Variants in FAM53C observed in about 807,000 individuals in gnomAD.
FAM53C encodes protein FAM53C.
FAM53C carries 10 observed loss-of-function variants against 34.7 expected under a neutral mutation model. The ratio of observed to expected loss-of-function variants is 0.29; its 90% confidence interval spans 0.18 to 0.49. The LOEUF (loss-of-function observed/expected upper bound fraction) is 0.49, where lower values mean the gene tolerates loss of function less well. Among genes scored for constraint, FAM53C ranks in the 20% least tolerant of loss-of-function variants. The probability of loss-of-function intolerance (pLI) is 0.99; values close to 1 mark genes in which losing one functional copy is unlikely to be tolerated. For synonymous variants in FAM53C, 203 were observed against 203.6 expected (o/e 1.00, Z 0.03); for missense variants, 442 against 515.3 (o/e 0.86, Z 1.38).
upstream of FAM53C, chr5:138,337,836 G>T (rs1760819706): frequency 3.6e-6 from 2 of 559,226 alleles, no homozygotes; most frequent in Non-Finnish European, 2.8e-6. Context: ...GTCGTGGAGG[G>T]CGGGGCAGCA....
Position 138,344,986 on chromosome 5 carries a change from C to T in FAM53C, c.298C>T (p.Pro100Ser), listed in dbSNP as rs901436939. 2 of 1,613,788 alleles carry T rather than the reference C, an allele frequency of 1.2e-6. No individual in the cohort carries two copies. The highest frequency in any genetic ancestry group is 1.7e-6 in the Non-Finnish European group (2 of 1,179,830). ...QPFSQVLRPE[P>S]PDPEKLPVPP... ...CTTCTCCCAAGTCCTAAGACCTGAG[C>T]CCCCAGATCCAGAGAAGCTTCCTGT... is the stretch of plus-strand genomic sequence containing the variant. Residue 100 changes from proline to serine, a missense_variant, in exon 4 of 5, where the codon CCC becomes TCC. Coordinates refer to ENST00000239906, the MANE Select transcript of FAM53C (RefSeq NM_016605.3).
chr5:138,344,774 T>TA (rs1761120557), intron 3 of FAM53C, 51 bp from the exon 4 acceptor site: 2 of 1,460,834 alleles, frequency 1.4e-6, no homozygotes, highest in South Asian at 1.5e-5. Flanking sequence ...GGTAAGTTCT[T>TA]AAAAAATGTA....
rs770444772 is a variant in FAM53C, at chr5:138,346,966, G to C, written c.*7G>C. 3 of 1,613,926 alleles carry C rather than the reference G, an allele frequency of 1.9e-6. No individual in the cohort carries two copies. Among genetic ancestry groups the C allele is most frequent in the Non-Finnish European group, 2.5e-6 (3 of 1,180,044 alleles). On this transcript the variant is annotated 3_prime_UTR_variant, in exon 5 of 5. Transcript: ENST00000239906. ...TTTGATTGAGGAAAACTAAAACTGA[G>C]AGGCTACTTCCTGGGGCCACACAGA...
rs1761042898 is a variant in FAM53C at position 138,341,848 on chromosome 5, T to C, written c.118T>C (p.Ser40Pro). 2 of 1,614,216 alleles carry C rather than the reference T, an allele frequency of 1.2e-6. No homozygotes were observed. The highest frequency in any genetic ancestry group is 1.7e-6 in the Non-Finnish European group (2 of 1,180,018). Residue 40 changes from serine to proline, a missense_variant, in exon 3 of 5, where the codon TCT becomes CCT. Physicochemically the swap from Ser to Pro is moderately conservative, Grantham distance 74 (BLOSUM62 -1). Coordinates refer to ENST00000239906, the MANE Select transcript of FAM53C (RefSeq NM_016605.3). ...DHADISNCGNSFQLVSEGASW... is the reference protein window; with the variant it reads ...DHADISNCGNPFQLVSEGASW... ...TGCAGACATCTCCAACTGTGGGAAC[T>C]CTTTCCAGCTTGTGTCTGGTAAGGC...
intron 1 of FAM53C, 91 bp downstream of exon 1, chr5:138,338,398 ACCGCCCGCGCGG>A (rs1760883950): frequency 2.9e-6 from 1 of 350,790 alleles, no homozygotes; most frequent in Non-Finnish European, 5.5e-6. Context: ...CCCCAGCCCG[ACCGCCCGCGCGG>A]CCGGGCCTCG....
At chr5:138,338,926 C>G (rs573756563) in intron 1 of FAM53C, among the ~76,000 whole-genome samples, 1 of 152,208 alleles carries the variant, frequency 6.6e-6, no homozygotes, top group Non-Finnish European at 1.5e-5. Flanking sequence ...CCTACCTTGT[C>G]TTGGTACAGC....
Position 138,344,917 on chromosome 5 carries a change from C to T in FAM53C, c.229C>T (p.His77Tyr), listed in dbSNP as rs1482423812. Reference protein sequence around the residue: ...FSYHPSGLSLHLRPPSRGNSP... With the variant: ...FSYHPSGLSLYLRPPSRGNSP... ...CTACCATCCCTCAGGCCTGAGCCTG[C>T]ACCTCAGACCACCCAGTCGGGGAAA... The change falls in exon 4 of 5, where the codon CAC becomes TAC. Residue 77 changes from histidine (H) to tyrosine (Y), a missense_variant. Physicochemically the swap from His to Tyr is moderately conservative, Grantham distance 83. Transcript: ENST00000239906. 1.2e-6 allele frequency: 2 copies of T among 1,614,034 alleles called. No individual in the cohort carries two copies. Among genetic ancestry groups the T allele is most frequent in the East Asian group, 2.2e-5 (1 of 44,876 alleles).
Position 138,344,804 on chromosome 5 carries a change from C to A in FAM53C, c.137-21C>A, listed in dbSNP as rs201761446. The A allele has an allele frequency of 3.6e-4, 536 of 1,508,182 alleles. 4 individuals are homozygous for A. The African/African-American group carries it at 6.6e-3, about 19-fold the overall frequency. The allele number at this position is 1,508,182 out of a possible 1,614,324, so 93.4% of individuals were successfully genotyped here. The stretch of plus-strand genomic sequence containing the variant: ...AATGTAAGCTATCATTAATATTATT[C>A]TTATTATAAATGCCTTCCAGAAGGT... On this transcript the variant is annotated intron_variant, in intron 3 of 4. Coordinates refer to ENST00000239906, the MANE Select transcript of FAM53C (RefSeq NM_016605.3).
At chr5:138,338,071 C>G, upstream of FAM53C, 1 of 1,289,802 alleles carries the variant, frequency 7.8e-7, no homozygotes, top group Non-Finnish European at 1.0e-6. Context: ...ACCCCCATCC[C>G]TAAATCAAAG....
rs932366741 is a variant in FAM53C, at chr5:138,348,126, T to C, written c.*1167T>C. The stretch of plus-strand genomic sequence containing the variant: ...AGAAGGGGTGTTTAGCATTTAATAG[T>C]TTGCTTGTCTTCCACTCCTGCCAGG... On this transcript the variant is annotated 3_prime_UTR_variant, in exon 5 of 5. Transcript: ENST00000239906. The C allele has an allele frequency of 2.0e-5, 3 of 152,622 alleles. No individual in the cohort carries two copies. The highest frequency in any genetic ancestry group is 7.2e-5 in the African/African-American group (3 of 41,444). 9.5% of individuals were successfully genotyped at this position (152,622 alleles called of 1,614,324 possible).
rs746638832 is a variant in FAM53C at position 138,341,287 on chromosome 5, A to G, written c.-49A>G. On this transcript the variant is annotated 5_prime_UTR_variant, in exon 2 of 5. Transcript: ENST00000239906. ...GAGGTCTGGAAGAACAACAGGGAAG[A>G]CATCCATCATTTGCTCCAAAGTGTG... 6.8e-7 allele frequency: 1 copy of G among 1,474,712 alleles called. No homozygotes were observed. Among genetic ancestry groups the G allele is most frequent in the Non-Finnish European group, 9.5e-7 (1 of 1,052,628 alleles). The allele number at this position is 1,474,712 out of a possible 1,614,324, so 91.4% of individuals were successfully genotyped here.
At chr5:138,337,703 C>T, upstream of FAM53C, 1 of 333,450 alleles carries the variant, frequency 3.0e-6, no homozygotes, top group Non-Finnish European at 5.8e-6. Context: ...GATCCGGCAG[C>T]TGCAAGAGGG....
In FAM53C at chr5:138,345,591, C is replaced by T. The variant is rs763600423; in HGVS notation, c.903C>T (p.Asp301=). The change falls in exon 4 of 5, where the codon GAC becomes GAT. Residue 301 remains aspartate, a synonymous_variant. Transcript: ENST00000239906. This position sits in a 1 kb window ranked among gnomAD's most constrained non-coding sequence, Gnocchi z 6.3. Reference sequence around the variant, plus strand: ...CCCGGCGTCTGCGGCCTTCGTTGGACTTTGACAAGATGAATCAGGTGGGAC... The same window carrying T: ...CCCGGCGTCTGCGGCCTTCGTTGGATTTTGACAAGATGAATCAGGTGGGAC... ...EDPRRLRPSL[D]FDKMNQKPYS... is the part of the protein sequence containing the mutation. 5.0e-6 allele frequency: 8 copies of T among 1,612,092 alleles called. No homozygotes were observed. The African/African-American group carries it at 9.3e-5, about 19-fold the overall frequency.
chr5:138,340,594 A>G (rs183719033), intron 1 of FAM53C, among the ~76,000 whole-genome samples: 1 of 152,376 alleles, frequency 6.6e-6, no homozygotes, highest in Admixed American at 6.5e-5. Flanking sequence ...TAGAGTTGAA[A>G]TGTATTGGAA....
intron 1 of FAM53C, 27 bp from the exon 2 acceptor site, chr5:138,341,157 C>T: frequency 2.8e-6 from 2 of 723,390 alleles, no homozygotes; most frequent in Non-Finnish European, 5.2e-6. Context: ...TCTAATATCA[C>T]TTGGGGCTGG....
intron 1 of FAM53C, among the ~76,000 whole-genome samples, chr5:138,339,988 G>A (rs1760985668): frequency 1.3e-5 from 2 of 152,164 alleles, no homozygotes; most frequent in Admixed American, 1.3e-4. Context: ...GGTGAGGGAG[G>A]ATGGTATTCA....
At chr5:138,346,468 A>T (rs1022899348) in intron 4 of FAM53C, among the ~76,000 whole-genome samples, 1 of 152,216 alleles carries the variant, frequency 6.6e-6, no homozygotes, top group Non-Finnish European at 1.5e-5. Context: ...TACTAAAAAT[A>T]TAAAAAATTA....
At chr5:138,340,333 G>A (rs1761000508) in intron 1 of FAM53C, among the ~76,000 whole-genome samples, 1 of 152,208 alleles carries the variant, frequency 6.6e-6, no homozygotes, top group South Asian at 2.1e-4. Flanking sequence ...CTGGTAAGCT[G>A]TCAGCTTGCT....
chr5:138,340,481 T>G (rs191212805), intron 1 of FAM53C, among the ~76,000 whole-genome samples: 2 of 152,360 alleles, frequency 1.3e-5, no homozygotes, highest in East Asian at 3.9e-4. Flanking sequence ...TATCAGAAGT[T>G]GACCACGAGA....
Sources: allele counts gnomAD v4.1 joint callset (sites outside exome capture counted in the v4.1 genomes callset), GRCh38; gene constraint gnomAD v4.1.1; non-coding constraint Gnocchi (gnomAD v3.1); transcripts MANE v1.5; gene names NCBI Gene and HGNC (gene_info 2026-07-23, HGNC 2026-07-21).